SGCD: variants seen among roughly 807,000 people sequenced by gnomAD.
SGCD encodes sarcoglycan delta, also known as delta-sarcoglycan.
SGCD carries 18 observed loss-of-function variants against 36.6 expected under a neutral mutation model. The ratio of observed to expected loss-of-function variants is 0.49; its 90% CI spans 0.34 to 0.73. SGCD has a LOEUF of 0.73. Among genes scored for constraint, SGCD ranks in the 30% least tolerant of loss-of-function variants. The pLI is 0.01. For synonymous variants in SGCD, 133 were observed against 130.6 expected, an observed-to-expected ratio of 1.02 and a Z score of -0.12; for missense variants, 387 against 346.7, an observed-to-expected ratio of 1.12 and a Z score of -0.92.
At chr5:155,729,615 A>C in the SGCD span, among the ~76,000 whole-genome samples, 1 of 152,138 alleles carries the variant, frequency 6.6e-6, no homozygotes, top group Non-Finnish European at 1.5e-5. Context: ...ACAGAGTCCA[A>C]CAGGTGGCCT....
At chr5:155,908,531 G>T (rs1756569053) in intron 1 of SGCD, among the ~76,000 whole-genome samples, 1 of 152,144 alleles carries the variant, frequency 6.6e-6, no homozygotes, top group Non-Finnish European at 1.5e-5. Flanking sequence ...CTAAGAGTTT[G>T]CCTGATTTGC....
intron 3 of SGCD, among the ~76,000 whole-genome samples, chr5:156,431,391 A>C (rs1273235064): frequency 6.6e-6 from 1 of 152,116 alleles, no homozygotes; most frequent in African/African-American, 2.4e-5. Context: ...CTGTAGGTGC[A>C]TCCATGCTGC....
the SGCD span, among the ~76,000 whole-genome samples, chr5:155,818,243 G>C: frequency 0.018 from 2,690 of 152,174 alleles, 85 homozygotes; most frequent in African/African-American, 0.06. Context: ...TTATTGGGGT[G>C]GGGGGCCAGC....
At chr5:155,923,274 A>G (rs1756926830) in intron 1 of SGCD, among the ~76,000 whole-genome samples, 1 of 152,208 alleles carries the variant, frequency 6.6e-6, no homozygotes, top group South Asian at 2.1e-4. Flanking sequence ...AAAGACATAT[A>G]TTGGGGGTAT....
intron 6 of SGCD, among the ~76,000 whole-genome samples, chr5:156,640,890 G>A (rs1763002958): frequency 2.0e-5 from 3 of 152,300 alleles, no homozygotes; most frequent in Admixed American, 6.5e-5. Flanking sequence ...GAGACACAAT[G>A]GGATTAAATC....
intron 1 of SGCD, among the ~76,000 whole-genome samples, chr5:156,088,495 GTTT>G (rs1761158349): frequency 1.1e-5 from 1 of 89,430 alleles, no homozygotes; most frequent in Non-Finnish European, 2.8e-5. Context: ...ATAAGGGTTT[GTTT>G]GTTTGTTTGT....
intron 3 of SGCD, among the ~76,000 whole-genome samples, chr5:156,146,463 G>A (rs1028341733): frequency 3.9e-5 from 6 of 152,138 alleles, no homozygotes; most frequent in Admixed American, 6.5e-5. Context: ...GGGAATAAGC[G>A]GTGAAGGAAA....
At chr5:156,656,595 T>C (rs1397685575) in intron 7 of SGCD, among the ~76,000 whole-genome samples, 1 of 152,206 alleles carries the variant, frequency 6.6e-6, no homozygotes, top group Admixed American at 6.5e-5. Context: ...TTTTGTAATG[T>C]AATTTTCCTC....
At chr5:156,341,160 G>C (rs1056306285) in intron 2 of SGCD, among the ~76,000 whole-genome samples, 3 of 152,132 alleles carry the variant, frequency 2.0e-5, no homozygotes, top group Admixed American at 6.5e-5. Context: ...AATTTGCTGT[G>C]TGACTTGAAA....
intron 1 of SGCD, among the ~76,000 whole-genome samples, chr5:155,986,033 G>A (rs1758321429): frequency 6.6e-6 from 1 of 151,954 alleles, no homozygotes; most frequent in Non-Finnish European, 1.5e-5. Context: ...GGCACCCCAG[G>A]AGAGGTAATT....
upstream of SGCD, among the ~76,000 whole-genome samples, chr5:156,321,891 T>G (rs1319417812): frequency 6.6e-6 from 1 of 152,174 alleles, no homozygotes; most frequent in Non-Finnish European, 1.5e-5. Context: ...TATGATTGAG[T>G]ACATCTCTCC....
chr5:156,193,012 C>G (rs1315054566), intron 3 of SGCD, among the ~76,000 whole-genome samples: 5 of 151,564 alleles, frequency 3.3e-5, no homozygotes, highest in African/African-American at 1.2e-4. Context: ...TTAATTTCAT[C>G]TAACTTCTAC....
intron 3 of SGCD, among the ~76,000 whole-genome samples, chr5:156,318,245 A>G (rs1040016487): frequency 3.3e-5 from 5 of 152,264 alleles, no homozygotes; most frequent in East Asian, 1.9e-4. Flanking sequence ...AAGAAGATCT[A>G]TGCAACAAGA....
intron 7 of SGCD, among the ~76,000 whole-genome samples, chr5:156,746,198 A>G (rs543120487): frequency 6.6e-6 from 1 of 152,180 alleles, no homozygotes; most frequent in Admixed American, 6.5e-5. Flanking sequence ...TCTTCATCAC[A>G]ACAGTGAGAA....
chr5:156,654,458 T>C (rs951176016), intron 7 of SGCD, among the ~76,000 whole-genome samples: 1 of 152,178 alleles, frequency 6.6e-6, no homozygotes, highest in Admixed American at 6.5e-5. Context: ...GAGTCATTAA[T>C]AAAAACTCAG....
intron 7 of SGCD, among the ~76,000 whole-genome samples, chr5:156,749,573 G>A (rs1757074208): frequency 6.6e-6 from 1 of 152,050 alleles, no homozygotes; most frequent in South Asian, 2.1e-4. Context: ...AGCTACAAAC[G>A]CAGGGGGCAT....
At chr5:155,813,782 T>C in the SGCD span, among the ~76,000 whole-genome samples, 1 of 152,262 alleles carries the variant, frequency 6.6e-6, no homozygotes, top group Non-Finnish European at 1.5e-5. Context: ...ATGTATTCCT[T>C]TGAATGTTAG....
chr5:156,650,527 TC>T (rs1034146311), intron 7 of SGCD, among the ~76,000 whole-genome samples: 39 of 152,248 alleles, frequency 2.6e-4, no homozygotes, highest in Middle Eastern at 6.8e-3. Flanking sequence ...TGTCTTTTGT[TC>T]CCATCTTCAT....
At chr5:155,763,427 A>C in the SGCD span, among the ~76,000 whole-genome samples, 2 of 152,324 alleles carry the variant, frequency 1.3e-5, no homozygotes, top group African/African-American at 4.8e-5. Flanking sequence ...TAAGTTGTGG[A>C]AAGTCAAGCT....
Sources: gnomAD v4.1 joint callset for allele counts (sites outside exome capture counted in the v4.1 genomes callset) on GRCh38, gnomAD v4.1.1 for gene constraint, MANE v1.5 for transcripts, NCBI Gene and HGNC (gene_info 2026-07-23, HGNC 2026-07-21) for gene names.